The following DCPS variants were observed in gnomAD, a reference collection of about 807,000 sequenced individuals.
DCPS encodes decapping enzyme, scavenger, also known as m7GpppX diphosphatase.
DCPS carries 27 observed loss-of-function variants against 34.7 expected under a neutral mutation model. The observed-to-expected ratio is 0.78, with a 90% confidence interval of 0.57 to 1.07. The LOEUF (loss-of-function observed/expected upper bound fraction) is 1.07, where lower values mean the gene tolerates loss of function less well. DCPS is among the 50% of genes least tolerant of loss of function. The pLI is 0.00. For missense variants in DCPS, 464 were observed against 436.9 expected, an observed-to-expected ratio of 1.06 and a Z score of -0.55; for synonymous variants, 185 against 185.7, an observed-to-expected ratio of 1.00 and a Z score of 0.03.
chr11:126,318,254 A>C (rs1951678279), intron 2 of DCPS, among the ~76,000 whole-genome samples: 1 of 152,074 alleles, frequency 6.6e-6, no homozygotes, highest in Non-Finnish European at 1.5e-5. Flanking sequence ...TTCCAGTAGG[A>C]TCCTGACCAC....
chr11:126,305,163 A>G (rs1951553711), intron 1 of DCPS, among the ~76,000 whole-genome samples: 1 of 152,130 alleles, frequency 6.6e-6, no homozygotes. Context: ...CCCAGGCTAG[A>G]GTGCAGTGAT....
chr11:126,307,394 G>T (rs1565370473), intron 2 of DCPS, among the ~76,000 whole-genome samples: 1 of 151,396 alleles, frequency 6.6e-6, no homozygotes, highest in Non-Finnish European at 1.5e-5. Context: ...GAGAGAGTGT[G>T]ATTCATGGGA....
chr11:126,345,332 C>T lies in DCPS; in HGVS notation c.748-15C>T. On this transcript the variant is annotated splice_polypyrimidine_tract_variant and intron_variant, in intron 5 of 5. Coordinates refer to ENST00000263579, the MANE Select transcript of DCPS (RefSeq NM_014026.6). This position sits in a 1 kb window ranked among gnomAD's most constrained non-coding sequence, Gnocchi z 7.4. ...AGCACGGTGACTCCTGACCTGCCTG[C>T]CCCTGTCTCATCAGGAGGCCATCCT... The T allele has an allele frequency of 6.2e-7, 1 of 1,613,186 alleles. No homozygotes were observed. The highest frequency in any genetic ancestry group is 1.1e-5 in the South Asian group (1 of 91,052).
intron 1 of DCPS, 61 bp from the exon 2 acceptor site, chr11:126,306,509 G>A: frequency 1.4e-6 from 2 of 1,469,602 alleles, no homozygotes; most frequent in Non-Finnish European, 1.8e-6. Flanking sequence ...CTTCTGTCTT[G>A]CTCTCCAGAG....
In DCPS at chr11:126,331,432, C is replaced by T; in HGVS notation, c.404C>T (p.Ala135Val). 6.2e-7 allele frequency: 1 copy of T among 1,614,130 alleles called. No individual in the cohort carries two copies. The stretch of plus-strand genomic sequence containing the variant: ...GTAAAGACGACCGTGGTTTACCCTG[C>T]CACAGAGAAACACCTGCAGAAGTAC... ...NDVKTTVVYP[A>V]TEKHLQKYLR... The change falls in exon 3 of 6, where the codon GCC becomes GTC. Residue 135 changes from alanine (A) to valine (V), a missense_variant. Physicochemically the swap from Ala to Val is moderately conservative, Grantham distance 64. Transcript: ENST00000263579. This position sits in a 1 kb window ranked among gnomAD's most constrained non-coding sequence, Gnocchi z 7.2.
chr11:126,309,593 G>A lies in DCPS; in HGVS notation c.376+2849G>A, dbSNP rs1027691772. On this transcript the variant is annotated intron_variant, in intron 2 of 5. Transcript: ENST00000263579. ...TTTTAAGTATTTTTATTCTTCATTT[G>A]GTTGAATCCACAGATATGGAACCCA... Among the ~76,000 whole-genome samples the A allele has an allele frequency of 2.0e-5, 3 of 151,960 alleles. No homozygotes were observed. The South Asian group carries it at 6.2e-4, about 32-fold the overall frequency.
In DCPS at chr11:126,337,477, C is replaced by G. The variant is rs892260722; in HGVS notation, c.523-809C>G. The G allele has an allele frequency of 6.6e-6, 1 of 152,304 alleles. No individual in the cohort carries two copies. Among genetic ancestry groups the G allele is most frequent in the Non-Finnish European group, 1.5e-5 (1 of 68,118 alleles). 9.4% of individuals were successfully genotyped at this position (152,304 alleles called of 1,614,324 possible). ...ACCTCAGACAGGCCTCCAGGACCAT[C>G]TCTGTAAAGTAATGTCCTTGGGTCA... On this transcript the variant is annotated intron_variant, in intron 3 of 5. Transcript: ENST00000263579. This position sits in a 1 kb window ranked among gnomAD's most constrained non-coding sequence, Gnocchi z 5.3.
rs1354234822 is a variant in DCPS, at chr11:126,349,037, G to A, written c.*3424G>A. Among the ~76,000 whole-genome samples, 3 of 152,200 alleles carry A rather than the reference G, an allele frequency of 2.0e-5. No individual in the cohort carries two copies. Among genetic ancestry groups the A allele is most frequent in the Non-Finnish European group, 4.4e-5 (3 of 68,038 alleles). On this transcript the variant is annotated 3_prime_UTR_variant, in exon 6 of 6. Transcript: ENST00000263579. The surrounding 1 kb of genome is among the most constrained non-coding windows in gnomAD (Gnocchi z 5.4). ...GTGCTCAAAAAACATGTGGCGAATG[G>A]AGGACCAGAGCTAGGCTCTGAATGA...
rs1254213135 is a variant in DCPS, at chr11:126,347,143, G to A, written c.*1530G>A. Reference sequence around the variant, plus strand: ...GAGGGTGTGGTCAGAAAGCCTCAGGGACCTGCTTCAGCCTTCAGGGAGTTC... The same window carrying A: ...GAGGGTGTGGTCAGAAAGCCTCAGGAACCTGCTTCAGCCTTCAGGGAGTTC... On this transcript the variant is annotated 3_prime_UTR_variant, in exon 6 of 6. Coordinates refer to ENST00000263579, the MANE Select transcript of DCPS (RefSeq NM_014026.6). The surrounding 1 kb of genome is among the most constrained non-coding windows in gnomAD (Gnocchi z 4.2). Among the ~76,000 whole-genome samples, 2 of 151,564 alleles carry A rather than the reference G, an allele frequency of 1.3e-5. No individual in the cohort carries two copies. The highest frequency in any genetic ancestry group is 6.6e-5 in the Admixed American group (1 of 15,206).
At chr11:126,316,262 C>G (rs1015180780) in intron 2 of DCPS, among the ~76,000 whole-genome samples, 1 of 151,980 alleles carries the variant, frequency 6.6e-6, no homozygotes, top group East Asian at 1.9e-4. Context: ...CAGCCCAGGA[C>G]AGCTTTGAAT....
At chr11:126,310,208 A>G (rs971546159) in intron 2 of DCPS, among the ~76,000 whole-genome samples, 1 of 152,072 alleles carries the variant, frequency 6.6e-6, no homozygotes, top group South Asian at 2.1e-4. Flanking sequence ...AAAAAACACC[A>G]TCTGTATGCC....
chr11:126,343,279 G>T, intron 4 of DCPS, 28 bp from the exon 5 acceptor site: 1 of 1,594,548 alleles, frequency 6.3e-7, no homozygotes. Flanking sequence ...TCCCTGCTGA[G>T]CCTGGTCTCC....
chr11:126,348,536 T>C lies in DCPS; in HGVS notation c.*2923T>C, dbSNP rs1951958185. On this transcript the variant is annotated 3_prime_UTR_variant, in exon 6 of 6. Transcript: ENST00000263579. The surrounding 1 kb of genome is among the most constrained non-coding windows in gnomAD (Gnocchi z 5.3). Reference sequence around the variant, plus strand: ...CCCTCAATCCAACCCTCTTTGGGCTTATCACCCTCAAGGTCTAGAGTGCAC... The same window carrying C: ...CCCTCAATCCAACCCTCTTTGGGCTCATCACCCTCAAGGTCTAGAGTGCAC... Among the ~76,000 whole-genome samples, 1 of 152,200 alleles carries C rather than the reference T, an allele frequency of 6.6e-6. No individual in the cohort carries two copies. Among genetic ancestry groups the C allele is most frequent in the Non-Finnish European group, 1.5e-5 (1 of 68,024 alleles).
intron 1 of DCPS, among the ~76,000 whole-genome samples, chr11:126,305,606 A>C (rs1321879133): frequency 7.2e-6 from 1 of 139,244 alleles, no homozygotes; most frequent in Non-Finnish European, 1.5e-5. Context: ...TTTTTAGTAG[A>C]GACAGGGTTT....
At chr11:126,343,156 C>G in intron 4 of DCPS, 151 bp from the exon 5 acceptor site, 1 of 647,530 alleles carries the variant, frequency 1.5e-6, no homozygotes, top group Non-Finnish European at 2.8e-6. Flanking sequence ...CCATCCCACA[C>G]GCCCGGGGTA....
rs1211737683 is a variant in DCPS at position 126,337,524 on chromosome 11, T to A, written c.523-762T>A. On this transcript the variant is annotated intron_variant, in intron 3 of 5. Coordinates refer to ENST00000263579, the MANE Select transcript of DCPS (RefSeq NM_014026.6). This position sits in a 1 kb window ranked among gnomAD's most constrained non-coding sequence, Gnocchi z 5.3. ...GTCAACACAGGCCTGGGAAAGGTCCTCTGCAGACTGTTGACAGCAGCTGAT... is the reference window on the plus strand; with the variant it reads ...GTCAACACAGGCCTGGGAAAGGTCCACTGCAGACTGTTGACAGCAGCTGAT... 1.3e-5 allele frequency: 2 copies of A among 152,440 alleles called. No individual in the cohort carries two copies. The highest frequency in any genetic ancestry group is 4.8e-5 in the African/African-American group (2 of 41,548). 9.4% of individuals were successfully genotyped at this position (152,440 alleles called of 1,614,324 possible).
In DCPS at chr11:126,346,049, A is replaced by C. The variant is rs1951924932; in HGVS notation, c.*436A>C. ...ACCTCTCCTTTGAGGAGTTCCCCAA[A>C]AAACCAAACTTGGAAGCTTTCAGGA... is the stretch of plus-strand genomic sequence containing the variant. On this transcript the variant is annotated 3_prime_UTR_variant, in exon 6 of 6. Coordinates refer to ENST00000263579, the MANE Select transcript of DCPS (RefSeq NM_014026.6). The surrounding 1 kb of genome is among the most constrained non-coding windows in gnomAD (Gnocchi z 4.1). Among the ~76,000 whole-genome samples the C allele has an allele frequency of 6.6e-6, 1 of 152,134 alleles. No individual in the cohort carries two copies. The highest frequency in any genetic ancestry group is 1.5e-5 in the Non-Finnish European group (1 of 68,040).
At position 126,331,859 on chromosome 11, in the gene DCPS, C is replaced by A. The variant is rs1412616303; in HGVS notation, c.522+309C>A. Among the ~76,000 whole-genome samples the A allele has an allele frequency of 1.3e-5, 2 of 152,138 alleles. No individual in the cohort carries two copies. The highest frequency in any genetic ancestry group is 4.8e-5 in the African/African-American group (2 of 41,410). On this transcript the variant is annotated intron_variant, in intron 3 of 5. Coordinates refer to ENST00000263579, the MANE Select transcript of DCPS (RefSeq NM_014026.6). This position sits in a 1 kb window ranked among gnomAD's most constrained non-coding sequence, Gnocchi z 7.2. ...GGGGCGGGCAATTGCCATTTTATAT[C>A]GCATGGCGAGAGAAGGCTTTGGGGG...
At chr11:126,340,286 T>G (rs1951866263) in intron 4 of DCPS, among the ~76,000 whole-genome samples, 1 of 152,068 alleles carries the variant, frequency 6.6e-6, no homozygotes, top group Non-Finnish European at 1.5e-5. Flanking sequence ...CTTTGCTTCA[T>G]AGCGATGCAG....
Sources: gnomAD v4.1 joint callset for allele counts (sites outside exome capture counted in the v4.1 genomes callset) on GRCh38, gnomAD v4.1.1 for gene constraint, Gnocchi (gnomAD v3.1) non-coding constraint, MANE v1.5 for transcripts, NCBI Gene and HGNC (gene_info 2026-07-23, HGNC 2026-07-21) for gene names.